KCNG3: variants seen among roughly 807,000 people sequenced by gnomAD.
KCNG3 encodes voltage-gated potassium channel regulatory subunit KCNG3.
In KCNG3, 15 loss-of-function variants were observed where a neutral mutation model predicts 29.0. The ratio of observed to expected loss-of-function variants is 0.52; its 90% CI spans 0.35 to 0.80. The LOEUF (loss-of-function observed/expected upper bound fraction) is 0.80. Among genes scored for constraint, KCNG3 ranks in the 30% least tolerant of loss-of-function variants. KCNG3 has a pLI of 0.01. For synonymous variants in KCNG3, 322 were observed against 248.9 expected, an observed-to-expected ratio of 1.29 and a Z score of -2.76; for missense variants, 512 against 605.7, an observed-to-expected ratio of 0.85 and a Z score of 1.62.
At chr2:42,438,464 G>C (rs1477343603), downstream of KCNG3, among the ~76,000 whole-genome samples, 4 of 152,226 alleles carry the variant, frequency 2.6e-5, no homozygotes, top group East Asian at 7.7e-4. Flanking sequence ...ACTCCTGGTA[G>C]GTGAAAGCCA....
At position 42,444,080 on chromosome 2, in the gene KCNG3, G is replaced by C; in HGVS notation, c.1165C>G (p.Leu389Val). Residue 389 changes from leucine (L) to valine (V), a missense_variant, in exon 2 of 2, where the codon CTT becomes GTT. Physicochemically the swap from Leu to Val is conservative, Grantham distance 32. This residue lies in a region of KCNG3 where 173 missense variants were observed against 262.4 expected (regional missense o/e 0.66). Transcript: ENST00000306078. The surrounding 1 kb of genome is among the most constrained non-coding windows in gnomAD (Gnocchi z 5.8). ...MYPITVPGRI[L>V]GGVCVVSGIV... The stretch of plus-strand genomic sequence containing the variant: ...CCACTGACAACACAAACTCCTCCAA[G>C]AATTCTTCCAGGCACTGTGATAGGA... 4 of 1,614,160 alleles carry C rather than the reference G, an allele frequency of 2.5e-6. No homozygotes were observed. Among genetic ancestry groups the C allele is most frequent in the Non-Finnish European group, 3.4e-6 (4 of 1,180,038 alleles).
At chr2:42,462,884 T>A (rs1486240654) in intron 1 of KCNG3, among the ~76,000 whole-genome samples, 1 of 152,114 alleles carries the variant, frequency 6.6e-6, no homozygotes, top group East Asian at 1.9e-4. Context: ...ACTGCAAGAT[T>A]TTTTTAAAAC....
At chr2:42,437,939 C>CAAAAAAAAAAAAAAAAAAAAAAAAAAA (rs58250880), downstream of KCNG3, among the ~76,000 whole-genome samples, 1 of 74,848 alleles carries the variant, frequency 1.3e-5, no homozygotes. Flanking sequence ...ACTCTGTCTC[C>CAAAAAAAAAAAAAAAAAAAAAAAAAAA]AAAAAAAAAA....
At chr2:42,435,758 G>T in the KCNG3 span, among the ~76,000 whole-genome samples, 1 of 152,184 alleles carries the variant, frequency 6.6e-6, no homozygotes, top group Non-Finnish European at 1.5e-5. Flanking sequence ...AGTTGGGGAG[G>T]ATGTGGAGAA....
At chr2:42,429,779 C>A in the KCNG3 span, among the ~76,000 whole-genome samples, 30,539 of 152,058 alleles carry the variant, frequency 0.2, 4,002 homozygotes, top group African/African-American at 0.38. Context: ...GAATCTGAAG[C>A]TGGAAAGTAT....
At chr2:42,415,325 C>T in the KCNG3 span, among the ~76,000 whole-genome samples, 1 of 152,212 alleles carries the variant, frequency 6.6e-6, no homozygotes, top group East Asian at 1.9e-4. Context: ...TGGTTATAAC[C>T]CTATAGTAAC....
chr2:42,493,418 C>T lies in KCNG3; in HGVS notation c.84G>A (p.Lys28=), dbSNP rs1214798378. ...GGCTCACGCGGCGCAGCGGGAAGTC[C>T]TTCAGCAGCTCCCGGGACAGCGAAT... The part of the protein sequence containing the change: ...ARYSLSRELL[K]DFPLRRVSRL... The change falls in exon 1 of 2, where the codon AAG becomes AAA. Residue 28 remains lysine, a synonymous_variant. Coordinates refer to ENST00000306078, the MANE Select transcript of KCNG3 (RefSeq NM_133329.6). 2.7e-6 allele frequency: 4 copies of T among 1,505,988 alleles called. No homozygotes were observed. In the Admixed American group the frequency reaches 6.4e-5, roughly 24 times the overall value. 93.3% of individuals were successfully genotyped at this position (1,505,988 alleles called of 1,614,324 possible).
chr2:42,459,981 G>GAAA (rs55965070), intron 1 of KCNG3, among the ~76,000 whole-genome samples: 13,267 of 145,400 alleles, frequency 0.091, 688 homozygotes, highest in South Asian at 0.22. Context: ...ATCTCAAAAA[G>GAAA]AAAAAAAAAA....
At chr2:42,411,427 AG>A in the KCNG3 span, among the ~76,000 whole-genome samples, 13 of 152,240 alleles carry the variant, frequency 8.5e-5, no homozygotes, top group South Asian at 2.7e-3. Context: ...CCATTTGTTC[AG>A]GTCTCCTTTA....
the KCNG3 span, among the ~76,000 whole-genome samples, chr2:42,405,776 T>G: frequency 6.6e-6 from 1 of 152,006 alleles, no homozygotes; most frequent in African/African-American, 2.4e-5. Context: ...CCCGGCTAAT[T>G]TTTTTATTTT....
At chr2:42,432,036 C>CA in the KCNG3 span, among the ~76,000 whole-genome samples, 11,414 of 113,590 alleles carry the variant, frequency 0.1, 914 homozygotes, top group Admixed American at 0.29. Flanking sequence ...AAGACTCTAT[C>CA]AAAAAAAAAA....
At chr2:42,479,527 T>C (rs945604042) in intron 1 of KCNG3, among the ~76,000 whole-genome samples, 1 of 151,496 alleles carries the variant, frequency 6.6e-6, no homozygotes, top group African/African-American at 2.4e-5. Context: ...ATGCTTGTAG[T>C]CCCAGCCACT....
Position 42,475,518 on chromosome 2 carries a change from C to T in KCNG3, c.665+17319G>A, listed in dbSNP as rs771833015. On this transcript the variant is annotated intron_variant, in intron 1 of 1. Transcript: ENST00000306078. The stretch of plus-strand genomic sequence containing the variant: ...TAATTCTTTTATTTTTTTGTAGACA[C>T]GGGATTTCGCCATGTTGGCCAAGCT... Among the ~76,000 whole-genome samples, 9 of 151,600 alleles carry T rather than the reference C, an allele frequency of 5.9e-5. 1 individual carries two copies. In the South Asian group the frequency reaches 1.3e-3, roughly 21 times the overall value.
intron 1 of KCNG3, among the ~76,000 whole-genome samples, chr2:42,483,181 TTGCTATTAAATG>T (rs776269469): frequency 5.6e-4 from 86 of 152,284 alleles, no homozygotes; most frequent in African/African-American, 8.7e-4. Flanking sequence ...TTCCAGATGT[TTGCTATTAAATG>T]TGCTATTAAA....
intron 1 of KCNG3, among the ~76,000 whole-genome samples, chr2:42,449,611 G>A (rs1170790836): frequency 1.3e-5 from 2 of 148,322 alleles, no homozygotes; most frequent in African/African-American, 2.5e-5. Context: ...TCCACCTCCC[G>A]GACTCAAGCA....
chr2:42,463,555 T>C (rs1572850981), intron 1 of KCNG3: 1 of 170,906 alleles, frequency 5.9e-6, no homozygotes, highest in Non-Finnish European at 1.3e-5. Flanking sequence ...CCGGTAGCCA[T>C]CCAGCCAGCC....
At chr2:42,477,147 A>G (rs1389433185) in intron 1 of KCNG3, among the ~76,000 whole-genome samples, 1 of 149,390 alleles carries the variant, frequency 6.7e-6, no homozygotes, top group Non-Finnish European at 1.5e-5. Context: ...AGCTGAGATT[A>G]CGCCACTGCA....
the KCNG3 span, among the ~76,000 whole-genome samples, chr2:42,435,365 A>G: frequency 6.6e-6 from 1 of 152,186 alleles, no homozygotes; most frequent in Admixed American, 6.5e-5. Flanking sequence ...CATGACCTTC[A>G]CTTTATTAGA....
chr2:42,407,067 A>G, the KCNG3 span, among the ~76,000 whole-genome samples: 1 of 152,194 alleles, frequency 6.6e-6, no homozygotes. Flanking sequence ...ATGCTTGATA[A>G]GAATTCATAT....
Sources: allele counts gnomAD v4.1 joint callset (sites outside exome capture counted in the v4.1 genomes callset), GRCh38; gene constraint gnomAD v4.1.1; regional missense constraint gnomAD v4.1.1; non-coding constraint Gnocchi (gnomAD v3.1); transcripts MANE v1.5; gene names NCBI Gene and HGNC (gene_info 2026-07-23, HGNC 2026-07-21).